Variants in CREM observed in about 807,000 individuals in gnomAD.
CREM encodes cAMP-responsive element modulator.
Under a neutral mutation model 37.3 loss-of-function variants are expected in CREM, and 13 were observed. The ratio of observed to expected loss-of-function variants is 0.35; its 90% confidence interval spans 0.23 to 0.55. The LOEUF is 0.55. CREM is among the 20% of genes least tolerant of loss of function. CREM has a pLI of 0.88. For synonymous variants in CREM, 124 were observed against 120.2 expected (o/e 1.03, Z -0.21); for missense variants, 296 against 362.3 (o/e 0.82, Z 1.49).
Position 35,194,097 on chromosome 10 carries a change from C to CAAAAAAAAA in CREM, c.598+5728_598+5736dup, listed in dbSNP as rs371978117. ...GGGGGAGAATAGCGAGACTTCATCTCAAAAAAAAAAAAAAAAAAAAAAAAA... is the reference window on the plus strand; with the variant it reads ...GGGGGAGAATAGCGAGACTTCATCTCAAAAAAAAAAAAAAAAAAAAAAAAAAAAAAAAAA... On this transcript the variant is annotated intron_variant, in intron 6 of 7. Transcript: ENST00000685392. Among the ~76,000 whole-genome samples, 127 of 25,044 alleles carry CAAAAAAAAA rather than the reference C, an allele frequency of 5.1e-3. 10 individuals are homozygous for CAAAAAAAAA. In the East Asian group the frequency reaches 0.076, roughly 15 times the overall value. 16.4% of individuals were successfully genotyped at this position (25,044 alleles called of 152,430 possible). A position where few individuals can be genotyped will look rare whatever the true frequency, so the allele number is the denominator to read the frequency against.
At chr10:35,159,275 GAAA>G (rs148739569) in intron 3 of CREM, among the ~76,000 whole-genome samples, 1 of 145,926 alleles carries the variant, frequency 6.9e-6, no homozygotes, top group Admixed American at 6.8e-5. Flanking sequence ...TGTCATGCAG[GAAA>G]AAAAAAAGAA....
chr10:35,206,427 C>G (rs1318153993), intron 6 of CREM, among the ~76,000 whole-genome samples: 1 of 152,180 alleles, frequency 6.6e-6, no homozygotes, highest in Non-Finnish European at 1.5e-5. Flanking sequence ...GTATGCTGTG[C>G]TGCTTACCAC....
chr10:35,184,450 G>GA (rs1169196690), intron 5 of CREM, among the ~76,000 whole-genome samples: 2 of 152,132 alleles, frequency 1.3e-5, no homozygotes, highest in African/African-American at 4.8e-5. Context: ...GAGGCACTGG[G>GA]AAATTTTGTT....
At position 35,166,085 on chromosome 10, in the gene CREM, T is replaced by TA. The variant is rs747572942; in HGVS notation, c.169-12796dup. ...TGGATTTCAGCTTATGCGCTATACA[T>TA]AAAAAAAAGGATTGGAGGCAACAAC... On this transcript the variant is annotated intron_variant, in intron 3 of 7. Coordinates refer to ENST00000685392, the MANE Select transcript of CREM (RefSeq NM_183011.2). Among the ~76,000 whole-genome samples the TA allele has an allele frequency of 4.6e-3, 703 of 151,582 alleles. 7 individuals are homozygous for TA. Among genetic ancestry groups the TA allele is most frequent in the Non-Finnish European group, 4.4e-3 (296 of 67,850 alleles).
intron 3 of CREM, among the ~76,000 whole-genome samples, chr10:35,174,419 G>T (rs1220528026): frequency 6.6e-6 from 1 of 152,092 alleles, no homozygotes; most frequent in East Asian, 1.9e-4. Context: ...TCTCTTACAC[G>T]GATAAAACAT....
intron 6 of CREM, chr10:35,196,154 AT>A: frequency 6.3e-7 from 1 of 1,581,690 alleles, no homozygotes; most frequent in Non-Finnish European, 8.7e-7. Flanking sequence ...TGAGAAATGG[AT>A]TATGTATTGT....
intron 6 of CREM, chr10:35,195,863 C>T: frequency 1.7e-6 from 1 of 582,058 alleles, no homozygotes; most frequent in Non-Finnish European, 3.1e-6. Flanking sequence ...GACGTCAGCT[C>T]CGAGTCATGT....
chr10:35,160,096 A>G (rs1358096925), intron 3 of CREM, among the ~76,000 whole-genome samples: 2 of 152,184 alleles, frequency 1.3e-5, no homozygotes, highest in Non-Finnish European at 2.9e-5. Context: ...GTACTTACAC[A>G]AACCTGGATG....
intron 3 of CREM, among the ~76,000 whole-genome samples, chr10:35,161,041 TAAAATAA>T (rs1424816543): frequency 6.6e-6 from 1 of 152,178 alleles, no homozygotes; most frequent in African/African-American, 2.4e-5. Context: ...TAACTTGAAG[TAAAATAA>T]TAATAAAAAG....
intron 3 of CREM, among the ~76,000 whole-genome samples, chr10:35,177,067 T>C (rs912024754): frequency 6.8e-6 from 1 of 147,092 alleles, no homozygotes; most frequent in Non-Finnish European, 1.5e-5. Context: ...TATTTGAACC[T>C]AATTGATGAC....
chr10:35,205,004 T>C (rs1475778318), intron 6 of CREM, among the ~76,000 whole-genome samples: 2 of 152,238 alleles, frequency 1.3e-5, no homozygotes, highest in African/African-American at 4.8e-5. Context: ...TTCAGGCAAT[T>C]GTTATAGAAT....
At chr10:35,176,902 A>G (rs2094118209) in intron 3 of CREM, among the ~76,000 whole-genome samples, 1 of 152,182 alleles carries the variant, frequency 6.6e-6, no homozygotes. Context: ...TGATCCAGAG[A>G]TGTATTTTAC....
At chr10:35,148,566 C>T (rs2092343208) in intron 3 of CREM, 75 bp downstream of exon 3, 1 of 1,481,554 alleles carries the variant, frequency 6.7e-7, no homozygotes, top group African/African-American at 1.4e-5. Flanking sequence ...TGTTTTCTTG[C>T]CATTGATCTT....
Position 35,188,292 on chromosome 10 carries a change from G to A in CREM, c.502G>A (p.Ala168Thr). ...LQALTMTNSG[A>T]PPPGATIVQY... Reference sequence around the variant, plus strand: ...GGCATTAACAATGACAAATTCAGGAGCTCCTCCACCAGGTGCTACAATTGT... The same window carrying A: ...GGCATTAACAATGACAAATTCAGGAACTCCTCCACCAGGTGCTACAATTGT... The change falls in exon 6 of 8, where the codon GCT becomes ACT. Residue 168 changes from alanine to threonine, a missense_variant. By Grantham distance (58) the Ala-to-Thr change is moderately conservative (BLOSUM62 0). Around this residue, in one of 2 missense-constraint regions of CREM, gnomAD observed 257 missense variants for 280.2 expected, o/e 0.92. Transcript: ENST00000685392. 1 of 1,614,184 alleles carries A rather than the reference G, an allele frequency of 6.2e-7. No individual in the cohort carries two copies.
chr10:35,165,335 C>G (rs2093496674), intron 3 of CREM, among the ~76,000 whole-genome samples: 1 of 152,112 alleles, frequency 6.6e-6, no homozygotes, highest in African/African-American at 2.4e-5. Flanking sequence ...AACTCATGAC[C>G]ATTCATGAGG....
intron 5 of CREM, among the ~76,000 whole-genome samples, chr10:35,180,924 G>C (rs1009553896): frequency 6.6e-6 from 1 of 152,212 alleles, no homozygotes; most frequent in African/African-American, 2.4e-5. Flanking sequence ...ATCATGTTCT[G>C]TTTGTGTAAT....
At chr10:35,182,332 T>C (rs1002237538) in intron 5 of CREM, among the ~76,000 whole-genome samples, 2 of 152,124 alleles carry the variant, frequency 1.3e-5, no homozygotes, top group Non-Finnish European at 2.9e-5. Context: ...ACGTATTTTA[T>C]TAGAATTTCT....
At chr10:35,157,320 C>G (rs1376811464) in intron 3 of CREM, among the ~76,000 whole-genome samples, 1 of 152,052 alleles carries the variant, frequency 6.6e-6, no homozygotes, top group African/African-American at 2.4e-5. Context: ...AGCTTTTTCT[C>G]TAAGATCTGG....
chr10:35,167,207 T>C (rs2093597873), intron 3 of CREM, among the ~76,000 whole-genome samples: 1 of 151,918 alleles, frequency 6.6e-6, no homozygotes, highest in Non-Finnish European at 1.5e-5. Flanking sequence ...TTTATAATAT[T>C]CTTATTATTT....
Sources: allele counts gnomAD v4.1 joint callset (sites outside exome capture counted in the v4.1 genomes callset), GRCh38; gene constraint gnomAD v4.1.1; regional missense constraint gnomAD v4.1.1; transcripts MANE v1.5; gene names NCBI Gene and HGNC (gene_info 2026-07-23, HGNC 2026-07-21).